The following BRINP2 variants were observed in gnomAD, a reference collection of about 807,000 sequenced individuals.
BRINP2 encodes BMP/retinoic acid-inducible neural-specific protein 2.
A neutral mutation model predicts 69.2 loss-of-function variants in BRINP2; 21 were observed. The observed-to-expected ratio is 0.30, with a 90% CI of 0.22 to 0.44. BRINP2 has a LOEUF of 0.44. BRINP2 is among the 20% of genes least tolerant of loss of function. The probability of loss-of-function intolerance (pLI) is 1.00; values close to 1 mark genes in which losing one functional copy is unlikely to be tolerated. For synonymous variants in BRINP2, 380 were observed against 394.1 expected, an observed-to-expected ratio of 0.96 and a Z score of 0.42; for missense variants, 877 against 986.0, an observed-to-expected ratio of 0.89 and a Z score of 1.48.
intron 1 of BRINP2, among the ~76,000 whole-genome samples, chr1:177,224,101 C>T (rs1049709774): frequency 3.3e-5 from 5 of 152,228 alleles, no homozygotes; most frequent in Non-Finnish European, 2.9e-5. Flanking sequence ...GTCCTGTCAT[C>T]TCTCCTATCT....
At chr1:177,246,671 T>C (rs546421005) in intron 2 of BRINP2, among the ~76,000 whole-genome samples, 3 of 152,254 alleles carry the variant, frequency 2.0e-5, no homozygotes, top group Non-Finnish European at 4.4e-5. Flanking sequence ...GTCCCTACCA[T>C]GATAGCTGAC....
At chr1:177,188,510 C>G (rs537668600) in intron 1 of BRINP2, among the ~76,000 whole-genome samples, 1 of 152,222 alleles carries the variant, frequency 6.6e-6, no homozygotes, top group Admixed American at 6.5e-5. Flanking sequence ...ATGGGATGGT[C>G]AGGGTAGACC....
intron 6 of BRINP2, among the ~76,000 whole-genome samples, 196 bp from the exon 7 acceptor site, chr1:177,278,367 C>A (rs906779193): frequency 6.7e-6 from 1 of 148,634 alleles, no homozygotes; most frequent in African/African-American, 2.6e-5. Flanking sequence ...GTTCCCGAGG[C>A]CATATTTTAC....
intron 2 of BRINP2, among the ~76,000 whole-genome samples, chr1:177,250,980 G>A (rs1026639225): frequency 6.6e-6 from 1 of 152,124 alleles, no homozygotes; most frequent in Non-Finnish European, 1.5e-5. Flanking sequence ...ACTAATCCTT[G>A]TAAGATGCTT....
chr1:177,265,004 C>T (rs1651073657), intron 4 of BRINP2, among the ~76,000 whole-genome samples: 1 of 152,142 alleles, frequency 6.6e-6, no homozygotes, highest in African/African-American at 2.4e-5. Context: ...CAAGACAATC[C>T]TAAGTAAAAA....
At chr1:177,275,432 A>G (rs528639563) in intron 5 of BRINP2, among the ~76,000 whole-genome samples, 5 of 152,308 alleles carry the variant, frequency 3.3e-5, no homozygotes, top group South Asian at 2.1e-4. Context: ...TCCTATTGAA[A>G]TAGGACAGCC....
At chr1:177,185,519 T>C (rs542884818) in intron 1 of BRINP2, among the ~76,000 whole-genome samples, 1 of 152,224 alleles carries the variant, frequency 6.6e-6, no homozygotes, top group African/African-American at 2.4e-5. Flanking sequence ...GGAAAATCAC[T>C]AACCATGTGG....
intron 1 of BRINP2, among the ~76,000 whole-genome samples, chr1:177,228,773 A>G (rs1649776486): frequency 6.6e-6 from 1 of 152,202 alleles, no homozygotes; most frequent in Admixed American, 6.5e-5. Flanking sequence ...GGTCCTGTGC[A>G]TTTGCCCAGA....
Position 177,255,926 on chromosome 1 carries a change from G to A in BRINP2, c.277G>A (p.Ala93Thr). 1 of 1,614,024 alleles carries A rather than the reference G, an allele frequency of 6.2e-7. No individual in the cohort carries two copies. Among genetic ancestry groups the A allele is most frequent in the Non-Finnish European group, 8.5e-7 (1 of 1,179,934 alleles). Residue 93 changes from alanine (A) to threonine (T), a missense_variant, in exon 3 of 8, where the codon GCC becomes ACC. By Grantham distance (58) the Ala-to-Thr change is moderately conservative. Coordinates refer to ENST00000361539, the MANE Select transcript of BRINP2 (RefSeq NM_021165.4). ...CCTTGGCTTTTCCCCCAGGGAGTTT[G>A]CCCGTTGGAAGGTGAACAACTTGGC... is the stretch of plus-strand genomic sequence containing the variant. Reference protein sequence around the residue: ...TTRYRIYREFARWKVNNLALE... With the variant: ...TTRYRIYREFTRWKVNNLALE...
At chr1:177,197,087 C>G (rs562780275) in intron 1 of BRINP2, among the ~76,000 whole-genome samples, 1 of 152,028 alleles carries the variant, frequency 6.6e-6, no homozygotes, top group African/African-American at 2.4e-5. Context: ...AAAGAAATAC[C>G]TGAGACTGGG....
chr1:177,228,067 C>T (rs560902245), intron 1 of BRINP2, among the ~76,000 whole-genome samples: 27 of 152,288 alleles, frequency 1.8e-4, no homozygotes, highest in African/African-American at 6.0e-4. Flanking sequence ...GCTCGTATTC[C>T]ACTTCTGCAG....
intron 4 of BRINP2, among the ~76,000 whole-genome samples, chr1:177,270,686 G>A (rs1651291246): frequency 6.6e-6 from 1 of 152,122 alleles, no homozygotes; most frequent in Non-Finnish European, 1.5e-5. Flanking sequence ...TCAGGAGTAA[G>A]TGGATGGAAA....
intron 3 of BRINP2, 113 bp from the exon 4 acceptor site, chr1:177,257,063 G>A: frequency 6.4e-7 from 1 of 1,562,780 alleles, no homozygotes. Flanking sequence ...CTTGGCAGCA[G>A]GGGCTGCACT....
chr1:177,270,482 G>T (rs1430491396), intron 4 of BRINP2, among the ~76,000 whole-genome samples: 2 of 150,396 alleles, frequency 1.3e-5, no homozygotes, highest in African/African-American at 4.9e-5. Context: ...CCAGCATGAT[G>T]AACAAGATGA....
chr1:177,266,995 A>T (rs1318626183), intron 4 of BRINP2, among the ~76,000 whole-genome samples: 2 of 152,106 alleles, frequency 1.3e-5, no homozygotes, highest in African/African-American at 4.8e-5. Context: ...TTTCCCACTA[A>T]AAGTACAGAG....
At chr1:177,186,145 T>C (rs573091513) in intron 1 of BRINP2, among the ~76,000 whole-genome samples, 1 of 152,278 alleles carries the variant, frequency 6.6e-6, no homozygotes, top group East Asian at 1.9e-4. Context: ...CGCTGACAAC[T>C]TGATATGGAA....
rs199560351 is a variant in BRINP2 at position 177,176,342 on chromosome 1, GA to G, written c.-77+4614del. ...GGGTTTTGAAGACTTGGTTTGAAAA[GA>G]AAAGCAATGTAAAATATCTCATCAA... On this transcript the variant is annotated intron_variant, in intron 1 of 7. Coordinates refer to ENST00000361539, the MANE Select transcript of BRINP2 (RefSeq NM_021165.4). Among the ~76,000 whole-genome samples the G allele has an allele frequency of 9.9e-3, 1,510 of 152,130 alleles. 25 individuals carry two copies. The highest frequency in any genetic ancestry group is 0.035 in the African/African-American group (1,436 of 41,500).
chr1:177,224,596 T>C (rs1649639334), intron 1 of BRINP2, among the ~76,000 whole-genome samples: 1 of 152,142 alleles, frequency 6.6e-6, no homozygotes, highest in African/African-American at 2.4e-5. Flanking sequence ...CTCCTTTTTT[T>C]TTTTTTAATA....
intron 2 of BRINP2, among the ~76,000 whole-genome samples, chr1:177,245,167 T>C (rs1392196657): frequency 1.3e-5 from 2 of 152,236 alleles, no homozygotes; most frequent in East Asian, 3.9e-4. Flanking sequence ...GTCATAGTGA[T>C]GGTGATAATG....
Sources: gnomAD v4.1 joint callset for allele counts (sites outside exome capture counted in the v4.1 genomes callset) on GRCh38, gnomAD v4.1.1 for gene constraint, MANE v1.5 for transcripts, NCBI Gene and HGNC (gene_info 2026-07-23, HGNC 2026-07-21) for gene names.